PARD6G: variants seen among roughly 807,000 people sequenced by gnomAD.
PARD6G encodes par-6 family cell polarity regulator gamma.
A neutral mutation model predicts 10.7 loss-of-function variants in PARD6G; 7 were observed. That is an observed-to-expected ratio of 0.66 (90% CI 0.37 to 1.23). PARD6G has a LOEUF of 1.23. PARD6G is among the 50% of genes most tolerant of loss of function. The pLI is 0.02. For missense variants in PARD6G, 548 were observed against 571.8 expected (o/e 0.96, Z 0.42); for synonymous variants, 287 against 269.4 (o/e 1.07, Z -0.64).
chr18:80,237,874 T>C (rs1193455806), intron 1 of PARD6G, among the ~76,000 whole-genome samples: 4 of 151,768 alleles, frequency 2.6e-5, no homozygotes, highest in Non-Finnish European at 2.9e-5. Flanking sequence ...TATGGAGAAA[T>C]AGGAACACTT....
rs1193009183 is a variant in PARD6G at position 80,181,753 on chromosome 18, A to G, written c.295+20957T>C. Among the ~76,000 whole-genome samples, 1 of 151,774 alleles carries G rather than the reference A, an allele frequency of 6.6e-6. No homozygotes were observed. Among genetic ancestry groups the G allele is most frequent in the Non-Finnish European group, 1.5e-5 (1 of 67,940 alleles). Reference sequence around the variant, plus strand: ...CTGCTTTCAGCTCCTGGCCTTCCTGATGGGCATCGGCTCCCCATTCCTCGC... The same window carrying G: ...CTGCTTTCAGCTCCTGGCCTTCCTGGTGGGCATCGGCTCCCCATTCCTCGC... On this transcript the variant is annotated intron_variant, in intron 2 of 2. Transcript: ENST00000353265. The surrounding 1 kb of genome is among the most constrained non-coding windows in gnomAD (Gnocchi z 7.9).
intron 1 of PARD6G, among the ~76,000 whole-genome samples, chr18:80,238,228 A>C (rs917009684): frequency 1.3e-4 from 20 of 152,208 alleles, no homozygotes; most frequent in African/African-American, 4.6e-4. Flanking sequence ...AGTGTCAGCA[A>C]ACTATCGAAA....
intron 2 of PARD6G, among the ~76,000 whole-genome samples, chr18:80,176,355 C>T (rs2052807771): frequency 6.6e-6 from 1 of 152,224 alleles, no homozygotes; most frequent in African/African-American, 2.4e-5. Context: ...GTTTACTTTA[C>T]ACTCAGAACA....
chr18:80,177,972 TACACACACACACACACAC>T (rs3028716), intron 2 of PARD6G: 2 of 151,938 alleles, frequency 1.3e-5, no homozygotes, highest in African/African-American at 5.0e-5. Flanking sequence ...AGCGTGTGCA[TACACACACACACACACAC>T]ACACACACAC....
chr18:80,174,711 T>C (rs1427708345), intron 2 of PARD6G, among the ~76,000 whole-genome samples: 4 of 151,988 alleles, frequency 2.6e-5, no homozygotes, highest in Admixed American at 2.0e-4. Flanking sequence ...TCCCAGCACT[T>C]TGGGAGGCCG....
At chr18:80,174,486 G>A (rs577315511) in intron 2 of PARD6G, among the ~76,000 whole-genome samples, 22 of 152,112 alleles carry the variant, frequency 1.4e-4, no homozygotes, top group South Asian at 4.2e-4. Flanking sequence ...TTTTAATCAC[G>A]TTTTCCACTA....
intron 1 of PARD6G, among the ~76,000 whole-genome samples, chr18:80,208,803 A>C (rs1475920241): frequency 6.6e-6 from 1 of 152,180 alleles, no homozygotes; most frequent in East Asian, 1.9e-4. Context: ...GGTTAGTAGC[A>C]AGTTAATAGA....
chr18:80,188,859 C>T lies in PARD6G; in HGVS notation c.295+13851G>A, dbSNP rs559538550. On this transcript the variant is annotated intron_variant, in intron 2 of 2. Coordinates refer to ENST00000353265, the MANE Select transcript of PARD6G (RefSeq NM_032510.4). This position sits in a 1 kb window ranked among gnomAD's most constrained non-coding sequence, Gnocchi z 5.4. Reference sequence around the variant, plus strand: ...GAAGTCAGGCGGGTGCAATCCCTACCGTTTCCCCACGTTCGTGAGGGAGGT... The same window carrying T: ...GAAGTCAGGCGGGTGCAATCCCTACTGTTTCCCCACGTTCGTGAGGGAGGT... 5.3e-5 allele frequency among the ~76,000 whole-genome samples: 8 copies of T among 152,308 alleles called. No individual in the cohort carries two copies. Among genetic ancestry groups the T allele is most frequent in the African/African-American group, 9.6e-5 (4 of 41,564 alleles).
At position 80,189,652 on chromosome 18, in the gene PARD6G, C is replaced by T. The variant is rs894617442; in HGVS notation, c.295+13058G>A. On this transcript the variant is annotated intron_variant, in intron 2 of 2. Coordinates refer to ENST00000353265, the MANE Select transcript of PARD6G (RefSeq NM_032510.4). This position sits in a 1 kb window ranked among gnomAD's most constrained non-coding sequence, Gnocchi z 5.5. ...TGGCCCCACAGTCCTCCCTGCCTGG[C>T]GCACAGACCCTCTGGACAAAAACAG... Among the ~76,000 whole-genome samples, 9 of 152,130 alleles carry T rather than the reference C, an allele frequency of 5.9e-5. No homozygotes were observed. Among genetic ancestry groups the T allele is most frequent in the East Asian group, 5.8e-4 (3 of 5,186 alleles).
Position 80,247,445 on chromosome 18 carries a change from G to GGCCCCC in PARD6G, c.-98_-97insGGGGGC. 2.2e-6 allele frequency: 2 copies of GGCCCCC among 895,168 alleles called. No individual in the cohort carries two copies. Among genetic ancestry groups the GGCCCCC allele is most frequent in the Non-Finnish European group, 2.9e-6 (2 of 680,906 alleles). The allele number at this position is 895,168 out of a possible 1,614,324, so 55.5% of individuals were successfully genotyped here. On this transcript the variant is annotated 5_prime_UTR_variant, in exon 1 of 3. Coordinates refer to ENST00000353265, the MANE Select transcript of PARD6G (RefSeq NM_032510.4). This position sits in a 1 kb window ranked among gnomAD's most constrained non-coding sequence, Gnocchi z 4.2. ...GCCCCCAGGCCCCGGCCCCGGCCCCGGCCCGCGCTCGCTTGGCCGGCGGGC... is the reference window on the plus strand; with the variant it reads ...GCCCCCAGGCCCCGGCCCCGGCCCCGGCCCCCGCCCGCGCTCGCTTGGCCGGCGGGC...
At chr18:80,193,566 C>T (rs745872955) in intron 2 of PARD6G, among the ~76,000 whole-genome samples, 42 of 152,110 alleles carry the variant, frequency 2.8e-4, no homozygotes, top group Non-Finnish European at 5.4e-4. Flanking sequence ...CAGATGATGG[C>T]GATGTTTGTA....
At chr18:80,206,004 G>T (rs1967050522) in intron 1 of PARD6G, among the ~76,000 whole-genome samples, 1 of 152,196 alleles carries the variant, frequency 6.6e-6, no homozygotes, top group African/African-American at 2.4e-5. Flanking sequence ...AGGCCTCCCT[G>T]AAACAGCATA....
At chr18:80,234,586 A>T in intron 1 of PARD6G, among the ~76,000 whole-genome samples, 1 of 151,988 alleles carries the variant, frequency 6.6e-6, no homozygotes, top group East Asian at 1.9e-4. Flanking sequence ...GACCGAGATC[A>T]CCCCCATAGG....
In PARD6G at chr18:80,183,997, A is replaced by T. The variant is rs1298917351; in HGVS notation, c.295+18713T>A. 6.6e-6 allele frequency: 1 copy of T among 152,158 alleles called. No homozygotes were observed. The highest frequency in any genetic ancestry group is 2.4e-5 in the African/African-American group (1 of 41,430). 9.4% of individuals were successfully genotyped at this position (152,158 alleles called of 1,614,324 possible). On this transcript the variant is annotated intron_variant, in intron 2 of 2. Transcript: ENST00000353265. This position sits in a 1 kb window ranked among gnomAD's most constrained non-coding sequence, Gnocchi z 4.5. ...GTTTTTACAAACTTTCTTTTTACAT[A>T]TATGTTAGCGGTCAAAGAACTCTGT...
intron 1 of PARD6G, among the ~76,000 whole-genome samples, chr18:80,243,270 T>C (rs577555417): frequency 1.3e-5 from 2 of 152,308 alleles, no homozygotes; most frequent in African/African-American, 2.4e-5. Context: ...GTCTTTTCTG[T>C]TGTCTAAAAA....
At position 80,247,082 on chromosome 18, in the gene PARD6G, T is replaced by C. The variant is rs1967560462; in HGVS notation, c.72+195A>G. On this transcript the variant is annotated intron_variant, in intron 1 of 2. Coordinates refer to ENST00000353265, the MANE Select transcript of PARD6G (RefSeq NM_032510.4). This position sits in a 1 kb window ranked among gnomAD's most constrained non-coding sequence, Gnocchi z 4.2. ...TCTGAGCGCCGCGGCTGCCGGGCTT[T>C]GTGTCCGCGCGGGGGGCGGGAAGGA... 6.6e-6 allele frequency among the ~76,000 whole-genome samples: 1 copy of C among 152,044 alleles called. No individual in the cohort carries two copies. Among genetic ancestry groups the C allele is most frequent in the Admixed American group, 6.5e-5 (1 of 15,282 alleles).
At chr18:80,240,393 G>A (rs1158706904) in intron 1 of PARD6G, among the ~76,000 whole-genome samples, 1 of 152,142 alleles carries the variant, frequency 6.6e-6, no homozygotes, top group East Asian at 1.9e-4. Context: ...TTCTGAACCA[G>A]TAGCTGTCAG....
chr18:80,187,787 C>G (rs1484402837), intron 2 of PARD6G: 1 of 152,230 alleles, frequency 6.6e-6, no homozygotes, highest in East Asian at 1.9e-4. Flanking sequence ...CATTTGGTGA[C>G]TGGTCATCAT....
intron 1 of PARD6G, among the ~76,000 whole-genome samples, chr18:80,240,540 G>A (rs1194669862): frequency 1.3e-5 from 2 of 152,110 alleles, no homozygotes; most frequent in African/African-American, 4.8e-5. Flanking sequence ...ACGCAGCTAG[G>A]GTTCTGAACT....
Sources: gnomAD v4.1 joint callset for allele counts (sites outside exome capture counted in the v4.1 genomes callset) on GRCh38, gnomAD v4.1.1 for gene constraint, Gnocchi (gnomAD v3.1) non-coding constraint, MANE v1.5 for transcripts, NCBI Gene and HGNC (gene_info 2026-07-23, HGNC 2026-07-21) for gene names.